The following ALDH1A2 variants were observed in gnomAD, a reference collection of about 807,000 sequenced individuals.
The protein encoded by ALDH1A2 is aldehyde dehydrogenase 1 family member A2.
In ALDH1A2, 27 loss-of-function variants were observed where a neutral mutation model predicts 60.3. The observed-to-expected ratio is 0.45, with a 90% CI of 0.33 to 0.62. ALDH1A2 has a LOEUF of 0.62. ALDH1A2 is among the 20% of genes least tolerant of loss of function. ALDH1A2 has a pLI of 0.02. For synonymous variants in ALDH1A2, 289 were observed against 232.4 expected (o/e 1.24, Z -2.21); for missense variants, 581 against 643.8 (o/e 0.90, Z 1.06).
intron 4 of ALDH1A2, among the ~76,000 whole-genome samples, chr15:58,004,633 T>A (rs1477947310): frequency 3.3e-5 from 5 of 151,470 alleles, no homozygotes; most frequent in African/African-American, 1.2e-4. Context: ...TCCAACCCCA[T>A]CCATGTTGCT....
chr15:57,988,936 A>T (rs1271889530), intron 7 of ALDH1A2, among the ~76,000 whole-genome samples: 1 of 152,162 alleles, frequency 6.6e-6, no homozygotes, highest in Non-Finnish European at 1.5e-5. Context: ...TGGGAGGCTG[A>T]GGCTGGTGGA....
intron 7 of ALDH1A2, among the ~76,000 whole-genome samples, chr15:57,967,862 GC>G (rs1255275171): frequency 6.6e-6 from 1 of 152,136 alleles, no homozygotes; most frequent in African/African-American, 2.4e-5. Flanking sequence ...CTCAGTAAAG[GC>G]CCTGTTCTCA....
At chr15:58,046,825 T>C (rs1439633462) in intron 1 of ALDH1A2, among the ~76,000 whole-genome samples, 1 of 152,060 alleles carries the variant, frequency 6.6e-6, no homozygotes, top group Non-Finnish European at 1.5e-5. Context: ...TCAAAGGATA[T>C]AGTAAATCAT....
intron 1 of ALDH1A2, among the ~76,000 whole-genome samples, chr15:58,045,807 G>A (rs1467476113): frequency 2.6e-5 from 4 of 151,896 alleles, no homozygotes; most frequent in African/African-American, 9.7e-5. Context: ...TTCTGCACGT[G>A]TACCCTAGAA....
chr15:58,047,844 T>A (rs907840770), intron 1 of ALDH1A2, among the ~76,000 whole-genome samples: 1 of 151,984 alleles, frequency 6.6e-6, no homozygotes, highest in Admixed American at 6.6e-5. Context: ...AACACCCAAA[T>A]GGCATTGTAT....
At chr15:58,022,800 C>T (rs1447378472) in intron 1 of ALDH1A2, among the ~76,000 whole-genome samples, 1 of 152,188 alleles carries the variant, frequency 6.6e-6, no homozygotes, top group African/African-American at 2.4e-5. Context: ...TGCATCCACC[C>T]AGAATCAAAG....
intron 7 of ALDH1A2, among the ~76,000 whole-genome samples, chr15:57,970,640 A>AT (rs1186762733): frequency 6.6e-6 from 1 of 151,716 alleles, no homozygotes; most frequent in African/African-American, 2.4e-5. Flanking sequence ...GTTGGGTAAA[A>AT]TTTTTTTTTA....
rs540867753 is a variant in ALDH1A2, at chr15:57,970,075, G to T, written c.799-4248C>A. On this transcript the variant is annotated intron_variant, in intron 7 of 12. Transcript: ENST00000249750. ...TTGAAGGAGTTAAAAAAGACAGACA[G>T]GACTCCTGGGGACCCTGCTCATTCT... Among the ~76,000 whole-genome samples the T allele has an allele frequency of 3.3e-5, 5 of 152,314 alleles. No individual in the cohort carries two copies. The South Asian group carries it at 1.0e-3, about 32-fold the overall frequency.
chr15:58,004,704 CGTGT>C (rs1555402505), intron 4 of ALDH1A2, among the ~76,000 whole-genome samples: 3 of 147,478 alleles, frequency 2.0e-5, no homozygotes, highest in Non-Finnish European at 4.5e-5. Flanking sequence ...TGTGTGTGTG[CGTGT>C]GTGTGTGTGT....
At chr15:58,030,791 AAAAAAT>A (rs1896216197) in intron 1 of ALDH1A2, among the ~76,000 whole-genome samples, 3 of 152,198 alleles carry the variant, frequency 2.0e-5, no homozygotes, top group Admixed American at 2.0e-4. Context: ...ATTGCTAGAA[AAAAAAT>A]AAAATACCTA....
intron 4 of ALDH1A2, among the ~76,000 whole-genome samples, chr15:58,001,851 G>T: frequency 6.6e-6 from 1 of 151,890 alleles, no homozygotes; most frequent in Non-Finnish European, 1.5e-5. Flanking sequence ...AAAAAGGACT[G>T]CATTTGATGG....
intron 1 of ALDH1A2, among the ~76,000 whole-genome samples, chr15:58,051,814 C>G (rs1014461366): frequency 9.9e-5 from 15 of 152,156 alleles, no homozygotes; most frequent in Admixed American, 2.0e-4. Flanking sequence ...CTGCAAAGTG[C>G]TAAGTCTCTA....
Position 57,954,220 on chromosome 15 carries a change from G to C in ALDH1A2, c.*977C>G, listed in dbSNP as rs1177017137. The C allele has an allele frequency of 2.0e-5, 3 of 152,300 alleles. No individual in the cohort carries two copies. The highest frequency in any genetic ancestry group is 4.4e-5 in the Non-Finnish European group (3 of 68,030). The allele number at this position is 152,300 out of a possible 1,614,324, so 9.4% of individuals were successfully genotyped here. On this transcript the variant is annotated 3_prime_UTR_variant, in exon 13 of 13. Transcript: ENST00000249750. ...CACCTGCAGCAGTTATTGGTGTAGA[G>C]GTTCAGAAGGTACAGATTCCAACTA...
chr15:57,961,638 T>C (rs1319266064), intron 10 of ALDH1A2, among the ~76,000 whole-genome samples: 2 of 152,196 alleles, frequency 1.3e-5, no homozygotes, highest in African/African-American at 2.4e-5. Flanking sequence ...GATTTGCTCC[T>C]TGTCCCTCTC....
intron 7 of ALDH1A2, among the ~76,000 whole-genome samples, chr15:57,983,045 CCTATTAAAGAGA>C (rs1566937335): frequency 6.6e-6 from 1 of 152,048 alleles, no homozygotes; most frequent in Non-Finnish European, 1.5e-5. Flanking sequence ...TTTTTCACAT[CCTATTAAAGAGA>C]CTTCTAAGGA....
intron 4 of ALDH1A2, among the ~76,000 whole-genome samples, chr15:58,004,252 T>A (rs12148907): frequency 0.36 from 53,935 of 151,718 alleles, 10,537 homozygotes; most frequent in Non-Finnish European, 0.46. Context: ...CTATCCTTTA[T>A]GGGGAGAAAT....
intron 7 of ALDH1A2, among the ~76,000 whole-genome samples, chr15:57,987,447 A>G (rs1894741943): frequency 6.6e-6 from 1 of 152,222 alleles, no homozygotes; most frequent in African/African-American, 2.4e-5. Flanking sequence ...TAAAATAAAG[A>G]TAACAATGAT....
intron 4 of ALDH1A2, among the ~76,000 whole-genome samples, chr15:58,003,355 G>A (rs1188534113): frequency 1.3e-5 from 2 of 151,806 alleles, no homozygotes; most frequent in Non-Finnish European, 2.9e-5. Context: ...CTATGCATTT[G>A]TTAATGACAG....
At chr15:58,026,401 C>T (rs1450280642) in intron 1 of ALDH1A2, among the ~76,000 whole-genome samples, 4 of 152,124 alleles carry the variant, frequency 2.6e-5, no homozygotes, top group Admixed American at 2.6e-4. Context: ...CGGTATGCTT[C>T]CAAGATGGCC....
Sources: allele counts gnomAD v4.1 joint callset (sites outside exome capture counted in the v4.1 genomes callset), GRCh38; gene constraint gnomAD v4.1.1; transcripts MANE v1.5; gene names NCBI Gene and HGNC (gene_info 2026-07-23, HGNC 2026-07-21).